CSMD3: variants seen among roughly 807,000 people sequenced by gnomAD.
CSMD3 encodes the protein CUB and sushi domain-containing protein 3.
CSMD3 carries 177 observed loss-of-function variants against 435.2 expected under a neutral mutation model. That is an observed-to-expected ratio of 0.41 (90% CI 0.36 to 0.46). The LOEUF (loss-of-function observed/expected upper bound fraction) is 0.46, where lower values mean the gene tolerates loss of function less well. Ranked by LOEUF, CSMD3 falls within the 20% of genes least tolerant of loss-of-function variation. The pLI, the probability that CSMD3 is intolerant of heterozygous loss-of-function variation, is 0.34. For missense variants in CSMD3, 4,265 were observed against 4,504.6 expected, an observed-to-expected ratio of 0.95 and a Z score of 1.52; for synonymous variants, 1,656 against 1,520.5, an observed-to-expected ratio of 1.09 and a Z score of -2.07.
intron 1 of CSMD3, among the ~76,000 whole-genome samples, chr8:113,375,984 G>A (rs1051777040): frequency 3.3e-5 from 5 of 152,010 alleles, no homozygotes; most frequent in Non-Finnish European, 7.4e-5. Context: ...TCATACTGGA[G>A]CCCTGTCTAA....
At chr8:113,108,529 C>T (rs1408419149) in intron 4 of CSMD3, among the ~76,000 whole-genome samples, 1 of 152,000 alleles carries the variant, frequency 6.6e-6, no homozygotes, top group Non-Finnish European at 1.5e-5. Flanking sequence ...TTTATATTCT[C>T]CATCCTTAAT....
intron 3 of CSMD3, among the ~76,000 whole-genome samples, chr8:113,245,490 C>A (rs145579790): frequency 1.9e-3 from 285 of 151,858 alleles, no homozygotes; most frequent in African/African-American, 6.1e-3. Flanking sequence ...TGAATTAATA[C>A]CAATTTATTT....
At chr8:112,779,255 T>C (rs911551365) in intron 13 of CSMD3, among the ~76,000 whole-genome samples, 1 of 151,842 alleles carries the variant, frequency 6.6e-6, no homozygotes, top group African/African-American at 2.4e-5. Context: ...AATATGTGGG[T>C]TAATCTTTGT....
At chr8:113,368,345 T>A (rs577359620) in intron 1 of CSMD3, among the ~76,000 whole-genome samples, 9 of 152,202 alleles carry the variant, frequency 5.9e-5, no homozygotes, top group African/African-American at 2.2e-4. Flanking sequence ...ATATGCTGGC[T>A]CTTGTCATGG....
chr8:112,291,919 G>T (rs1296901139), intron 55 of CSMD3, among the ~76,000 whole-genome samples: 1 of 151,944 alleles, frequency 6.6e-6, no homozygotes, highest in East Asian at 1.9e-4. Flanking sequence ...TAGGAAAATA[G>T]CAACTTTGTA....
intron 12 of CSMD3, among the ~76,000 whole-genome samples, chr8:112,812,054 T>G (rs535913906): frequency 1.1e-3 from 163 of 152,052 alleles, no homozygotes; most frequent in Non-Finnish European, 1.7e-3. Flanking sequence ...GGAAAGGGCC[T>G]CCCCACACCA....
chr8:112,661,621 C>G (rs532959329), intron 17 of CSMD3, among the ~76,000 whole-genome samples: 2 of 152,088 alleles, frequency 1.3e-5, no homozygotes, highest in African/African-American at 4.8e-5. Flanking sequence ...TCAGCAGATG[C>G]TTTTCAACAT....
intron 10 of CSMD3, among the ~76,000 whole-genome samples, chr8:112,878,371 C>T (rs539879329): frequency 6.6e-6 from 1 of 152,188 alleles, no homozygotes; most frequent in East Asian, 1.9e-4. Flanking sequence ...AATGATATAC[C>T]ATCTCATGTC....
intron 3 of CSMD3, among the ~76,000 whole-genome samples, chr8:113,273,596 A>T (rs558841759): frequency 6.6e-6 from 1 of 152,212 alleles, no homozygotes; most frequent in South Asian, 2.1e-4. Flanking sequence ...AAAACATACT[A>T]CTGTATATAT....
intron 5 of CSMD3, among the ~76,000 whole-genome samples, chr8:113,063,994 C>T (rs572429079): frequency 1.0e-3 from 153 of 151,286 alleles, no homozygotes; most frequent in Non-Finnish European, 1.5e-3. Context: ...TTTAGGAAAA[C>T]CTTTTAGTAT....
intron 4 of CSMD3, among the ~76,000 whole-genome samples, chr8:113,140,449 A>C (rs903527021): frequency 6.6e-6 from 1 of 150,990 alleles, no homozygotes; most frequent in African/African-American, 2.4e-5. Context: ...CTACAAGAGC[A>C]GACTACACAT....
intron 6 of CSMD3, among the ~76,000 whole-genome samples, chr8:112,995,963 AAAG>A (rs1448322183): frequency 1.3e-5 from 2 of 151,506 alleles, no homozygotes; most frequent in Admixed American, 6.6e-5. Context: ...CTGTGATGAG[AAAG>A]AAGATTTTTG....
At chr8:112,710,253 G>A (rs1034844162) in intron 13 of CSMD3, among the ~76,000 whole-genome samples, 1 of 152,086 alleles carries the variant, frequency 6.6e-6, no homozygotes, top group African/African-American at 2.4e-5. Context: ...GACAAACAGT[G>A]GTGTCAAGTT....
intron 23 of CSMD3, among the ~76,000 whole-genome samples, chr8:112,582,615 G>C (rs894778263): frequency 1.9e-5 from 2 of 107,088 alleles, no homozygotes; most frequent in Non-Finnish European, 4.9e-5. Context: ...ACAAAAAAAG[G>C]TTTAGAGCCA....
chr8:113,270,505 G>T (rs945905566), intron 3 of CSMD3, among the ~76,000 whole-genome samples: 1 of 152,072 alleles, frequency 6.6e-6, no homozygotes, highest in Non-Finnish European at 1.5e-5. Flanking sequence ...AAGTCATGCC[G>T]CTATAAAGAC....
intron 2 of CSMD3, among the ~76,000 whole-genome samples, chr8:113,302,376 G>T (rs1376676759): frequency 1.4e-5 from 2 of 143,402 alleles, no homozygotes; most frequent in Admixed American, 7.6e-5. Flanking sequence ...GATGTTATGA[G>T]AATTGTATAT....
rs541042622 is a variant in CSMD3, at chr8:112,341,793, G to A, written c.6443-107C>T. The A allele has an allele frequency of 7.6e-6, 6 of 787,406 alleles. No individual in the cohort carries two copies. The African/African-American group carries it at 8.5e-5, about 11-fold the overall frequency. The allele number at this position is 787,406 out of a possible 1,614,324, so 48.8% of individuals were successfully genotyped here. A position where few individuals can be genotyped will look rare whatever the true frequency, so the allele number is the denominator to read the frequency against. On this transcript the variant is annotated intron_variant, in intron 41 of 70. Coordinates refer to ENST00000297405, the MANE Select transcript of CSMD3 (RefSeq NM_198123.2). ...TGTACTTAGATAAGTTTGCATTTAA[G>A]TCAAGAGGCATAATCTCAAGATCTG...
At chr8:112,521,612 C>G (rs1012838954) in intron 27 of CSMD3, among the ~76,000 whole-genome samples, 1 of 151,844 alleles carries the variant, frequency 6.6e-6, no homozygotes, top group Non-Finnish European at 1.5e-5. Flanking sequence ...TCCACAATTT[C>G]TCACTAAATA....
rs888793934 is a variant in CSMD3, at chr8:112,843,180, A to G, written c.1756-13391T>C. Among the ~76,000 whole-genome samples, 5 of 152,022 alleles carry G rather than the reference A, an allele frequency of 3.3e-5. No homozygotes were observed. In the South Asian group the frequency reaches 6.2e-4, roughly 19 times the overall value. On this transcript the variant is annotated intron_variant, in intron 11 of 70. Coordinates refer to ENST00000297405, the MANE Select transcript of CSMD3 (RefSeq NM_198123.2). The stretch of plus-strand genomic sequence containing the variant: ...ATTAGAAGAATGATGATCACACTAG[A>G]TACTATCATTTGAATGTCTCCCCTC...
Sources: gnomAD v4.1 joint callset for allele counts (sites outside exome capture counted in the v4.1 genomes callset) on GRCh38, gnomAD v4.1.1 for gene constraint, MANE v1.5 for transcripts, NCBI Gene and HGNC (gene_info 2026-07-23, HGNC 2026-07-21) for gene names.